C8A: variants seen among roughly 807,000 people sequenced by gnomAD.
The protein encoded by C8A is complement component C8 alpha chain.
C8A carries 67 observed loss-of-function variants against 65.3 expected under a neutral mutation model. The observed-to-expected ratio is 1.03, with a 90% confidence interval of 0.84 to 1.26. C8A has a LOEUF of 1.26. Among genes scored for constraint, C8A ranks in the 50% most tolerant of loss-of-function variants. C8A has a pLI of 0.00. For missense variants in C8A, 781 were observed against 723.9 expected (o/e 1.08, Z -0.90); for synonymous variants, 290 against 259.4 (o/e 1.12, Z -1.13).
intron 1 of C8A, among the ~76,000 whole-genome samples, chr1:56,862,034 TG>T (rs1231284111): frequency 6.6e-6 from 1 of 152,220 alleles, no homozygotes; most frequent in Non-Finnish European, 1.5e-5. Flanking sequence ...AAAAGGCAGA[TG>T]GGAAGCATCT....
rs77646809 is a variant in C8A, at chr1:56,911,460, C to T, written c.1381-943C>T. On this transcript the variant is annotated intron_variant, in intron 9 of 10. Transcript: ENST00000361249. ...AGCTGGGGTTTGAAGCCAGGTTTTC[C>T]GGCTCCAGATTCAATCCTCCTTGTG... Among the ~76,000 whole-genome samples the T allele has an allele frequency of 3.6e-3, 551 of 152,282 alleles. 3 individuals are homozygous for T. The highest frequency in any genetic ancestry group is 9.1e-3 in the African/African-American group (378 of 41,568).
chr1:56,915,079 G>C (rs1026978637), intron 10 of C8A, among the ~76,000 whole-genome samples: 1 of 152,210 alleles, frequency 6.6e-6, no homozygotes, highest in Admixed American at 6.5e-5. Context: ...GATTAAACTA[G>C]TTAACACTTG....
chr1:56,863,886 C>CCTTCCTTCCTTCCTTCCTTT (rs1557696562), intron 1 of C8A, among the ~76,000 whole-genome samples: 1 of 140,300 alleles, frequency 7.1e-6, no homozygotes, highest in Non-Finnish European at 1.6e-5. Flanking sequence ...TCCTTCTCTC[C>CCTTCCTTCCTTCCTTCCTTT]CTTCCTTCCT....
intron 1 of C8A, among the ~76,000 whole-genome samples, chr1:56,857,725 C>T (rs1039885268): frequency 6.6e-6 from 1 of 151,668 alleles, no homozygotes. Flanking sequence ...TTTTTTTGGG[C>T]CATCTTTTAG....
chr1:56,916,328 G>A (rs1439975749), intron 10 of C8A, among the ~76,000 whole-genome samples: 1 of 152,234 alleles, frequency 6.6e-6, no homozygotes, highest in Non-Finnish European at 1.5e-5. Flanking sequence ...CCTTGGGGCT[G>A]TCATACTGAA....
At chr1:56,862,194 C>A (rs1300808818) in intron 1 of C8A, among the ~76,000 whole-genome samples, 1 of 152,096 alleles carries the variant, frequency 6.6e-6, no homozygotes, top group Non-Finnish European at 1.5e-5. Context: ...ATGATCTCAC[C>A]CCATATTCAA....
chr1:56,873,748 C>A (rs528185618), intron 2 of C8A, among the ~76,000 whole-genome samples: 3 of 152,142 alleles, frequency 2.0e-5, no homozygotes, highest in Non-Finnish European at 4.4e-5. Context: ...CCAGGAAATA[C>A]AGGGCTGCAC....
chr1:56,874,958 C>A lies in C8A; in HGVS notation c.181C>A (p.Arg61=). The change falls in exon 3 of 11, where the codon CGG becomes AGG. Residue 61 remains arginine (R), a synonymous_variant. Coordinates refer to ENST00000361249, the MANE Select transcript of C8A (RefSeq NM_000562.3). The part of the protein sequence containing the change: ...FPCQDKKYRH[R]SLLQPNKFGG... Reference sequence around the variant, plus strand: ...TCAAAATCTGGTTTAGTACCGACACCGGAGCCTCTTGCAGCCAAACAAGTT... The same window carrying A: ...TCAAAATCTGGTTTAGTACCGACACAGGAGCCTCTTGCAGCCAAACAAGTT... 1 of 1,613,574 alleles carries A rather than the reference C, an allele frequency of 6.2e-7. No individual in the cohort carries two copies.
Position 56,881,589 on chromosome 1 carries a change from G to A in C8A, c.609G>A (p.Glu203=). Reference sequence around the variant, plus strand: ...AACGTCTCTACTATGGAGATGATGAGAAATACTTTCGGAAACCCTACAACT... The same window carrying A: ...AACGTCTCTACTATGGAGATGATGAAAAATACTTTCGGAAACCCTACAACT... ...TCERLYYGDD[E]KYFRKPYNFL... The change falls in exon 5 of 11, where the codon GAG becomes GAA. Residue 203 remains glutamate (E), a synonymous_variant. Transcript: ENST00000361249. 6.2e-7 allele frequency: 1 copy of A among 1,613,740 alleles called. No individual in the cohort carries two copies. The highest frequency in any genetic ancestry group is 8.5e-7 in the Non-Finnish European group (1 of 1,179,778).
At chr1:56,912,210 C>T (rs1644513177) in intron 9 of C8A, among the ~76,000 whole-genome samples, 193 bp from the exon 10 acceptor site, 1 of 152,220 alleles carries the variant, frequency 6.6e-6, no homozygotes, top group African/African-American at 2.4e-5. Context: ...TCCCTTTCTT[C>T]TGCTAGGAGC....
At chr1:56,905,921 A>C (rs1434531359) in intron 7 of C8A, among the ~76,000 whole-genome samples, 1 of 152,172 alleles carries the variant, frequency 6.6e-6, no homozygotes, top group Non-Finnish European at 1.5e-5. Context: ...ATGTGGCTTT[A>C]CTGCTTTGAG....
intron 1 of C8A, among the ~76,000 whole-genome samples, chr1:56,863,193 ATCTT>A (rs1644051039): frequency 6.6e-6 from 1 of 152,200 alleles, no homozygotes; most frequent in Admixed American, 6.6e-5. Flanking sequence ...TTCATTTATG[ATCTT>A]TCTTATGTTC....
intron 6 of C8A, among the ~76,000 whole-genome samples, chr1:56,884,067 TAAAA>T (rs61268937): frequency 1.6e-5 from 2 of 126,322 alleles, no homozygotes; most frequent in African/African-American, 2.8e-5. Flanking sequence ...ACTGGTATGC[TAAAA>T]AAAAAAAAAA....
intron 1 of C8A, among the ~76,000 whole-genome samples, chr1:56,864,655 T>A (rs1304353946): frequency 6.6e-6 from 1 of 151,996 alleles, no homozygotes; most frequent in South Asian, 2.1e-4. Flanking sequence ...GGATGACTCG[T>A]TTATAAGGAT....
At chr1:56,912,662 C>T in intron 10 of C8A, 37 bp downstream of exon 10, 3 of 1,596,088 alleles carry the variant, frequency 1.9e-6, no homozygotes, top group African/African-American at 1.3e-5. Flanking sequence ...TCCAGCCTGT[C>T]CCAGCTCAAA....
intron 8 of C8A, among the ~76,000 whole-genome samples, chr1:56,907,725 G>C (rs983540572): frequency 6.6e-6 from 1 of 152,180 alleles, no homozygotes; most frequent in Non-Finnish European, 1.5e-5. Context: ...TATCCTCCAT[G>C]TGGTCTGGGC....
chr1:56,903,499 C>T (rs988496775), intron 7 of C8A, among the ~76,000 whole-genome samples: 18 of 152,142 alleles, frequency 1.2e-4, no homozygotes, highest in African/African-American at 1.4e-4. Context: ...TTATTAGCAG[C>T]ATGAGAATGG....
chr1:56,877,454 T>A (rs568718199), intron 4 of C8A, among the ~76,000 whole-genome samples: 4 of 152,294 alleles, frequency 2.6e-5, no homozygotes, highest in South Asian at 2.1e-4. Flanking sequence ...GAGGTGTCTA[T>A]CTGCCCAGGC....
intron 1 of C8A, among the ~76,000 whole-genome samples, chr1:56,864,519 A>G (rs538464054): frequency 2.0e-5 from 3 of 152,316 alleles, no homozygotes; most frequent in South Asian, 4.2e-4. Context: ...GGAGGCCCCA[A>G]GTAACTATTC....
Sources: gnomAD v4.1 joint callset for allele counts (sites outside exome capture counted in the v4.1 genomes callset) on GRCh38, gnomAD v4.1.1 for gene constraint, MANE v1.5 for transcripts, NCBI Gene and HGNC (gene_info 2026-07-23, HGNC 2026-07-21) for gene names.